Variants in NETO1 observed in about 807,000 individuals in gnomAD.
NETO1 encodes the protein neuropilin and tolloid-like protein 1.
Under a neutral mutation model 61.3 loss-of-function variants are expected in NETO1, and 26 were observed. The ratio of observed to expected loss-of-function variants is 0.42; its 90% confidence interval spans 0.31 to 0.59. The LOEUF (loss-of-function observed/expected upper bound fraction) is 0.59. Among genes scored for constraint, NETO1 ranks in the 20% least tolerant of loss-of-function variants. The pLI, the probability that NETO1 is intolerant of heterozygous loss-of-function variation, is 0.12. For synonymous variants in NETO1, 225 were observed against 225.8 expected (o/e 1.00, Z 0.03); for missense variants, 531 against 662.8 (o/e 0.80, Z 2.18).
intron 1 of NETO1, 132 bp downstream of exon 1, chr18:72,867,132 G>T: frequency 1.6e-6 from 1 of 624,556 alleles, no homozygotes. Flanking sequence ...AGTTTACGTC[G>T]GCCCCGACCC....
rs1261192716 is a variant in NETO1, at chr18:72,807,658, T to A, written c.470-13254A>T. Among the ~76,000 whole-genome samples, 3 of 148,074 alleles carry A rather than the reference T, an allele frequency of 2.0e-5. No homozygotes were observed. In the East Asian group the frequency reaches 5.9e-4, roughly 29 times the overall value. ...TCATAGAAAGATGTGGGGGATAGAG[T>A]GAAGAAGAAATCATCAGACGATCAA... On this transcript the variant is annotated intron_variant, in intron 4 of 10. Coordinates refer to ENST00000327305, the MANE Select transcript of NETO1 (RefSeq NM_138966.5).
At chr18:72,765,546 G>A (rs956221994) in intron 7 of NETO1, among the ~76,000 whole-genome samples, 6 of 151,994 alleles carry the variant, frequency 3.9e-5, no homozygotes, top group African/African-American at 1.5e-4. Context: ...AGCCTCCCGA[G>A]TAGCTGGGAT....
At chr18:72,817,261 G>A (rs4892046) in intron 4 of NETO1, among the ~76,000 whole-genome samples, 53,160 of 151,938 alleles carry the variant, frequency 0.35, 11,367 homozygotes, top group Non-Finnish European at 0.47. Context: ...CAAACATACC[G>A]TGAAGAAATT....
In NETO1 at chr18:72,794,346, A is replaced by G. The variant is rs2072240274; in HGVS notation, c.511+17T>C. 1 of 1,613,130 alleles carries G rather than the reference A, an allele frequency of 6.2e-7. No individual in the cohort carries two copies. Among genetic ancestry groups the G allele is most frequent in the Non-Finnish European group, 8.5e-7 (1 of 1,179,724 alleles). On this transcript the variant is annotated intron_variant, in intron 5 of 10. Coordinates refer to ENST00000327305, the MANE Select transcript of NETO1 (RefSeq NM_138966.5). Reference sequence around the variant, plus strand: ...AACAAAGTCTTCTGAACAGTATTAAATATCTATTTTACCAACCTGGTAATG... The same window carrying G: ...AACAAAGTCTTCTGAACAGTATTAAGTATCTATTTTACCAACCTGGTAATG...
At chr18:72,823,458 C>A (rs1484567719) in intron 4 of NETO1, among the ~76,000 whole-genome samples, 1 of 151,964 alleles carries the variant, frequency 6.6e-6, no homozygotes, top group Admixed American at 6.6e-5. Context: ...GGAGAACCAG[C>A]CTGAGAACAA....
intron 4 of NETO1, among the ~76,000 whole-genome samples, chr18:72,812,930 G>A (rs2072914091): frequency 6.6e-6 from 1 of 152,044 alleles, no homozygotes; most frequent in South Asian, 2.1e-4. Flanking sequence ...AATTTTTGAG[G>A]ATTTACTTTA....
chr18:72,835,185 C>T (rs189048418), intron 4 of NETO1: 1 of 1,333,936 alleles, frequency 7.5e-7, no homozygotes, highest in East Asian at 2.9e-5. Flanking sequence ...CGTGGTGCAC[C>T]TGGAGATCAG....
chr18:72,783,308 C>G (rs1375932520), intron 7 of NETO1, among the ~76,000 whole-genome samples: 1 of 152,112 alleles, frequency 6.6e-6, no homozygotes. Flanking sequence ...TAAAAAGAAC[C>G]TACCAAATAT....
rs75038247 is a variant in NETO1, at chr18:72,827,090, C to CTTTTT, written c.469+31731_469+31735dup. The stretch of plus-strand genomic sequence containing the variant: ...ACCGCCCAGCCATATTCAATGCTTT[C>CTTTTT]TTTTTTTTTTTTTTCCAAATCCGTA... On this transcript the variant is annotated intron_variant, in intron 4 of 10. Coordinates refer to ENST00000327305, the MANE Select transcript of NETO1 (RefSeq NM_138966.5). 2.7e-3 allele frequency among the ~76,000 whole-genome samples: 387 copies of CTTTTT among 142,726 alleles called. 2 individuals carry two copies. The highest frequency in any genetic ancestry group is 7.4e-3 in the African/African-American group (284 of 38,328). 93.6% of individuals were successfully genotyped at this position (142,726 alleles called of 152,430 possible). A position where few individuals can be genotyped will look rare whatever the true frequency, so the allele number is the denominator to read the frequency against.
At chr18:72,755,941 C>A in intron 8 of NETO1, 93 bp downstream of exon 8, 1 of 660,804 alleles carries the variant, frequency 1.5e-6, no homozygotes, top group Non-Finnish European at 2.8e-6. Context: ...ACTATACACT[C>A]TTATTTTAAA....
chr18:72,757,914 C>T (rs2070837332), intron 7 of NETO1, among the ~76,000 whole-genome samples: 1 of 151,986 alleles, frequency 6.6e-6, no homozygotes, highest in Non-Finnish European at 1.5e-5. Context: ...TGTAAAAATG[C>T]TTAAAATACT....
At chr18:72,783,327 A>G (rs1305032588) in intron 7 of NETO1, among the ~76,000 whole-genome samples, 1 of 152,218 alleles carries the variant, frequency 6.6e-6, no homozygotes, top group Non-Finnish European at 1.5e-5. Flanking sequence ...ATTTTTATGC[A>G]GGTTTTTAAA....
chr18:72,839,297 T>C (rs2073849691), intron 4 of NETO1, among the ~76,000 whole-genome samples: 1 of 152,242 alleles, frequency 6.6e-6, no homozygotes, highest in African/African-American at 2.4e-5. Flanking sequence ...GTTGTATCAA[T>C]GTGCATAAGC....
In NETO1 at chr18:72,846,697, G is replaced by A. The variant is rs558363080; in HGVS notation, c.469+12129C>T. Among the ~76,000 whole-genome samples the A allele has an allele frequency of 7.4e-4, 112 of 151,870 alleles. 1 individual carries two copies. The South Asian group carries it at 0.023, about 31-fold the overall frequency. On this transcript the variant is annotated intron_variant, in intron 4 of 10. Transcript: ENST00000327305. Reference sequence around the variant, plus strand: ...TGAGACGCAGATATTACTTAAGGATGATTATTAGGAGAAAGTCGTGTGCAC... The same window carrying A: ...TGAGACGCAGATATTACTTAAGGATAATTATTAGGAGAAAGTCGTGTGCAC...
chr18:72,824,780 A>T (rs2073323736), intron 4 of NETO1, among the ~76,000 whole-genome samples: 1 of 151,978 alleles, frequency 6.6e-6, no homozygotes, highest in Non-Finnish European at 1.5e-5. Flanking sequence ...GCCGGAGGCT[A>T]AGGCACCAGA....
intron 4 of NETO1, among the ~76,000 whole-genome samples, chr18:72,810,774 G>A (rs1599047268): frequency 6.6e-6 from 1 of 152,138 alleles, no homozygotes; most frequent in African/African-American, 2.4e-5. Flanking sequence ...ATTAAGAGGT[G>A]AGAAAAATAA....
chr18:72,865,007 A>G, intron 2 of NETO1, 62 bp from the exon 3 acceptor site: 1 of 1,534,904 alleles, frequency 6.5e-7, no homozygotes, highest in South Asian at 1.2e-5. Context: ...TGTACTAAAA[A>G]TAGAGGACAT....
rs188519033 is a variant in NETO1, at chr18:72,800,528, C to A, written c.470-6124G>T. 5.3e-5 allele frequency among the ~76,000 whole-genome samples: 8 copies of A among 152,252 alleles called. No homozygotes were observed. In the East Asian group the frequency reaches 1.5e-3, roughly 29 times the overall value. On this transcript the variant is annotated intron_variant, in intron 4 of 10. Coordinates refer to ENST00000327305, the MANE Select transcript of NETO1 (RefSeq NM_138966.5). ...CTAGTTGCAGAAAACAGGCTCAGGG[C>A]TCCCAGTGATTCTACATTATGGTGA...
intron 7 of NETO1, among the ~76,000 whole-genome samples, chr18:72,767,745 G>A (rs2071213701): frequency 6.6e-6 from 1 of 151,760 alleles, no homozygotes; most frequent in Non-Finnish European, 1.5e-5. Flanking sequence ...GGAGGTAAGA[G>A]GAAGGAAGGA....
Sources: allele counts gnomAD v4.1 joint callset (sites outside exome capture counted in the v4.1 genomes callset), GRCh38; gene constraint gnomAD v4.1.1; transcripts MANE v1.5; gene names NCBI Gene and HGNC (gene_info 2026-07-23, HGNC 2026-07-21).